KIAA1671: variants seen among roughly 807,000 people sequenced by gnomAD.
The protein encoded by KIAA1671 is uncharacterized protein KIAA1671.
KIAA1671 carries 52 observed loss-of-function variants against 131.2 expected under a neutral mutation model. The observed-to-expected ratio is 0.40, with a 90% confidence interval of 0.32 to 0.50. The LOEUF (loss-of-function observed/expected upper bound fraction) is 0.50. Ranked by LOEUF, KIAA1671 falls within the 20% of genes least tolerant of loss-of-function variation. The pLI is 0.73. For synonymous variants in KIAA1671, 1,003 were observed against 961.6 expected, an observed-to-expected ratio of 1.04 and a Z score of -0.80; for missense variants, 2,360 against 2,364.2, an observed-to-expected ratio of 1.00 and a Z score of 0.04.
rs117693968 is a variant in KIAA1671, at chr22:25,119,268, G to A, written c.4531-51552G>A. On this transcript the variant is annotated intron_variant, in intron 6 of 12. Coordinates refer to ENST00000358431, the MANE Select transcript of KIAA1671 (RefSeq NM_001145206.2). ...TGGAGAGGATAAGTGACACAGCCCT[G>A]GTGTACACCTCTTAAGAGATGACAA... Among the ~76,000 whole-genome samples the A allele has an allele frequency of 5.0e-3, 761 of 152,190 alleles. 3 individuals are homozygous for A. Among genetic ancestry groups the A allele is most frequent in the Non-Finnish European group, 8.9e-3 (607 of 68,020 alleles).
intron 6 of KIAA1671, among the ~76,000 whole-genome samples, chr22:25,135,044 A>G (rs113206666): frequency 0.015 from 2,223 of 152,312 alleles, 28 homozygotes; most frequent in Middle Eastern, 0.058. Flanking sequence ...CAAAGGATTG[A>G]TGTAACATGA....
chr22:25,071,455 A>G (rs1188082973), intron 6 of KIAA1671, among the ~76,000 whole-genome samples: 2 of 152,194 alleles, frequency 1.3e-5, no homozygotes, highest in Non-Finnish European at 2.9e-5. Context: ...ATATTGTTCA[A>G]TCATTGGCCT....
At chr22:25,118,106 C>T (rs892882527) in intron 6 of KIAA1671, among the ~76,000 whole-genome samples, 7 of 147,610 alleles carry the variant, frequency 4.7e-5, no homozygotes, top group Admixed American at 2.7e-4. Flanking sequence ...CCATTGCACT[C>T]CAGCCTGGGC....
rs143230213 is a variant in KIAA1671 at position 25,191,119 on chromosome 22, G to A, written c.*4+335G>A. ...ATAAAACAAAAGGGCGGGGACATCA[G>A]AGGTTAGCTTAATTAGAAATGGTTA... On this transcript the variant is annotated intron_variant, in intron 12 of 12. Coordinates refer to ENST00000358431, the MANE Select transcript of KIAA1671 (RefSeq NM_001145206.2). Among the ~76,000 whole-genome samples, 635 of 151,428 alleles carry A rather than the reference G, an allele frequency of 4.2e-3. 5 individuals carry two copies. The highest frequency in any genetic ancestry group is 0.014 in the African/African-American group (597 of 41,260).
At chr22:25,023,772 C>T (rs1456662826) in intron 1 of KIAA1671, 1 of 152,070 alleles carries the variant, frequency 6.6e-6, no homozygotes, top group Admixed American at 6.6e-5. Context: ...TAGTGAAACC[C>T]CGTCTCTACC....
chr22:24,967,927 A>T (rs1398665670), intron 1 of KIAA1671, among the ~76,000 whole-genome samples: 8 of 152,066 alleles, frequency 5.3e-5, no homozygotes, highest in African/African-American at 1.9e-4. Flanking sequence ...CAGGAGGCGG[A>T]GCTTGCAGTG....
chr22:25,127,025 G>A (rs569759893), intron 6 of KIAA1671, among the ~76,000 whole-genome samples: 14 of 152,154 alleles, frequency 9.2e-5, no homozygotes, highest in Non-Finnish European at 1.8e-4. Context: ...AGGTTGTGGT[G>A]TGACCTCTTA....
At chr22:25,104,722 A>T (rs1930898390) in intron 6 of KIAA1671, among the ~76,000 whole-genome samples, 1 of 152,088 alleles carries the variant, frequency 6.6e-6, no homozygotes, top group Admixed American at 6.5e-5. Context: ...TCACTTGTTC[A>T]TCAGAACCCT....
intron 1 of KIAA1671, among the ~76,000 whole-genome samples, chr22:24,959,622 G>A (rs1921908557): frequency 6.6e-6 from 1 of 152,118 alleles, no homozygotes; most frequent in Admixed American, 6.6e-5. Flanking sequence ...ATTTTATTGA[G>A]CATCTTATGT....
chr22:25,000,217 G>GTAGCTTTC (rs1924380376), intron 1 of KIAA1671, among the ~76,000 whole-genome samples: 1 of 31,376 alleles, frequency 3.2e-5, no homozygotes, highest in East Asian at 1.4e-3. Context: ...TTTTTGAGAC[G>GTAGCTTTC]GAGTCTCGCT....
At chr22:25,121,367 C>T (rs569232756) in intron 6 of KIAA1671, among the ~76,000 whole-genome samples, 2 of 150,716 alleles carry the variant, frequency 1.3e-5, no homozygotes, top group East Asian at 3.9e-4. Flanking sequence ...GAGGCTGAGG[C>T]AGGAGAAGGG....
At chr22:25,157,951 A>G (rs1933301861) in intron 6 of KIAA1671, among the ~76,000 whole-genome samples, 1 of 152,032 alleles carries the variant, frequency 6.6e-6, no homozygotes, top group South Asian at 2.1e-4. Context: ...CCTCCCGAGT[A>G]GCTGGGACTA....
At chr22:25,070,042 C>T (rs371485716) in intron 6 of KIAA1671, 5 of 275,990 alleles carry the variant, frequency 1.8e-5, no homozygotes, top group South Asian at 3.4e-4. Flanking sequence ...AACCCTAAAA[C>T]CCTCCGTGCC....
rs528633534 is a variant in KIAA1671 at position 25,018,121 on chromosome 22, G to A, written c.-207-7512G>A. On this transcript the variant is annotated intron_variant, in intron 1 of 12. Transcript: ENST00000358431. ...AGCTCCCCTGACCACTCTTTCTTTG[G>A]GCTTCTATAACCCCCCTGTCTGCCC... Among the ~76,000 whole-genome samples, 13 of 147,346 alleles carry A rather than the reference G, an allele frequency of 8.8e-5. 1 individual carries two copies. The East Asian group carries it at 2.1e-3, about 23-fold the overall frequency.
chr22:25,182,865 C>G (rs1383403552), intron 10 of KIAA1671, among the ~76,000 whole-genome samples: 1 of 152,192 alleles, frequency 6.6e-6, no homozygotes. Flanking sequence ...AGAAAATGAT[C>G]ATTTCAGTAC....
chr22:25,100,215 G>T (rs5760852), intron 6 of KIAA1671, among the ~76,000 whole-genome samples: 4,602 of 152,276 alleles, frequency 0.03, 90 homozygotes, highest in East Asian at 0.077. Flanking sequence ...CATGGAAGAT[G>T]CCCTCTGAGG....
intron 6 of KIAA1671, among the ~76,000 whole-genome samples, chr22:25,081,586 C>A (rs1929409426): frequency 6.6e-6 from 1 of 150,838 alleles, no homozygotes; most frequent in Non-Finnish European, 1.5e-5. Context: ...GAGGGCACCC[C>A]TGTTCTAACA....
At chr22:25,001,510 G>A (rs758116156) in intron 1 of KIAA1671, among the ~76,000 whole-genome samples, 4 of 152,158 alleles carry the variant, frequency 2.6e-5, no homozygotes, top group Non-Finnish European at 5.9e-5. Context: ...CCAGGCCAAG[G>A]GGGAGGCTGA....
At chr22:24,954,272 G>T (rs541471434) in intron 1 of KIAA1671, among the ~76,000 whole-genome samples, 71 of 152,212 alleles carry the variant, frequency 4.7e-4, no homozygotes, top group African/African-American at 1.7e-3. Flanking sequence ...CCTTGGTCTG[G>T]CTTTCCCTCT....
Sources: gnomAD v4.1 joint callset for allele counts (sites outside exome capture counted in the v4.1 genomes callset) on GRCh38, gnomAD v4.1.1 for gene constraint, MANE v1.5 for transcripts, NCBI Gene and HGNC (gene_info 2026-07-23, HGNC 2026-07-21) for gene names.